The following TOX variants were observed in gnomAD, a reference collection of about 807,000 sequenced individuals.
TOX encodes thymocyte selection-associated high mobility group box protein TOX.
TOX carries 11 observed loss-of-function variants against 53.7 expected under a neutral mutation model. The ratio of observed to expected loss-of-function variants is 0.20; its 90% CI spans 0.13 to 0.34. TOX has a LOEUF of 0.34. TOX is among the 10% of genes least tolerant of loss of function. TOX has a pLI of 1.00. For missense variants in TOX, 570 were observed against 664.6 expected (o/e 0.86, Z 1.56); for synonymous variants, 225 against 245.3 (o/e 0.92, Z 0.77).
chr8:59,072,015 T>C (rs1804205695), intron 1 of TOX, among the ~76,000 whole-genome samples: 1 of 152,204 alleles, frequency 6.6e-6, no homozygotes, highest in African/African-American at 2.4e-5. Context: ...GATCATCTTT[T>C]AAGTTTTTTA....
At chr8:59,058,199 C>T (rs1402624514) in intron 1 of TOX, among the ~76,000 whole-genome samples, 4 of 152,150 alleles carry the variant, frequency 2.6e-5, no homozygotes, top group Non-Finnish European at 5.9e-5. Flanking sequence ...TTTTCAGGAG[C>T]TGCTCAAGGC....
At chr8:58,896,401 G>A (rs569958535) in intron 3 of TOX, among the ~76,000 whole-genome samples, 7 of 152,198 alleles carry the variant, frequency 4.6e-5, no homozygotes, top group South Asian at 2.1e-4. Context: ...ATCCTGGCCC[G>A]GTGCAGTGGC....
intron 2 of TOX, among the ~76,000 whole-genome samples, chr8:58,946,535 T>C (rs754378656): frequency 2.0e-5 from 3 of 152,182 alleles, no homozygotes; most frequent in Non-Finnish European, 4.4e-5. Flanking sequence ...AACAGTGCCA[T>C]TGATATATGC....
At chr8:59,114,809 G>T (rs78401957) in intron 1 of TOX, among the ~76,000 whole-genome samples, 2 of 152,000 alleles carry the variant, frequency 1.3e-5, no homozygotes, top group East Asian at 3.9e-4. Context: ...CTGTATTTTT[G>T]ATGAGTATTG....
At chr8:59,065,090 G>A (rs1375900581) in intron 1 of TOX, among the ~76,000 whole-genome samples, 3 of 152,172 alleles carry the variant, frequency 2.0e-5, no homozygotes, top group Non-Finnish European at 2.9e-5. Context: ...CAGCATATTA[G>A]TGAGGAAATG....
chr8:59,043,603 T>C (rs1240842971), intron 1 of TOX, among the ~76,000 whole-genome samples: 1 of 152,218 alleles, frequency 6.6e-6, no homozygotes, highest in Non-Finnish European at 1.5e-5. Context: ...TTTCAAACAA[T>C]GGCAATACTC....
intron 1 of TOX, among the ~76,000 whole-genome samples, chr8:59,016,737 C>T (rs1269362324): frequency 6.6e-6 from 1 of 152,190 alleles, no homozygotes; most frequent in Non-Finnish European, 1.5e-5. Context: ...TGGATCCAAA[C>T]TAGCTGCAGA....
intron 1 of TOX, among the ~76,000 whole-genome samples, chr8:58,974,953 C>G (rs1028955706): frequency 6.6e-6 from 1 of 151,766 alleles, no homozygotes; most frequent in African/African-American, 2.4e-5. Flanking sequence ...AAGATGTTAT[C>G]TGTGTAAAAA....
intron 3 of TOX, among the ~76,000 whole-genome samples, chr8:58,873,139 C>A (rs1002670692): frequency 6.6e-6 from 1 of 152,010 alleles, no homozygotes; most frequent in Non-Finnish European, 1.5e-5. Context: ...CTTGTTAATG[C>A]AATTATAACG....
chr8:58,968,501 G>A (rs904833514), intron 1 of TOX, among the ~76,000 whole-genome samples: 1 of 152,056 alleles, frequency 6.6e-6, no homozygotes, highest in African/African-American at 2.4e-5. Context: ...ATCCATCTAC[G>A]AAGGAAAAAT....
intron 3 of TOX, among the ~76,000 whole-genome samples, chr8:58,915,502 G>C (rs1812001056): frequency 8.4e-6 from 1 of 119,012 alleles, no homozygotes; most frequent in Non-Finnish European, 1.7e-5. Context: ...CTGTCTGTTA[G>C]AAGGAAAACT....
intron 3 of TOX, among the ~76,000 whole-genome samples, chr8:58,896,547 T>G (rs1811650097): frequency 6.6e-6 from 1 of 152,094 alleles, no homozygotes; most frequent in Non-Finnish European, 1.5e-5. Context: ...TGGTGGCATG[T>G]GCCTATAATC....
intron 1 of TOX, among the ~76,000 whole-genome samples, chr8:59,042,385 T>C (rs1045080262): frequency 2.6e-5 from 4 of 152,246 alleles, no homozygotes; most frequent in African/African-American, 9.6e-5. Context: ...GAGGGAACTT[T>C]AGCATTTTAA....
intron 1 of TOX, among the ~76,000 whole-genome samples, chr8:59,091,988 G>A (rs754538214): frequency 2.0e-5 from 3 of 151,758 alleles, no homozygotes; most frequent in Non-Finnish European, 4.4e-5. Flanking sequence ...GGTGGCTCAC[G>A]CCTGTAATCC....
chr8:58,879,420 T>C (rs1469733072), intron 3 of TOX, among the ~76,000 whole-genome samples: 1 of 152,212 alleles, frequency 6.6e-6, no homozygotes, highest in East Asian at 1.9e-4. Flanking sequence ...ATTAATTTTC[T>C]CCAAAGAAGC....
chr8:58,958,590 A>T (rs1812748903), intron 2 of TOX, among the ~76,000 whole-genome samples: 1 of 152,230 alleles, frequency 6.6e-6, no homozygotes, highest in South Asian at 2.1e-4. Context: ...TTAATCAAAC[A>T]GTCCTGTTCA....
At chr8:59,021,380 A>G (rs1328537913) in intron 1 of TOX, among the ~76,000 whole-genome samples, 2 of 146,806 alleles carry the variant, frequency 1.4e-5, no homozygotes, top group African/African-American at 5.0e-5. Context: ...ATACATGGCT[A>G]TTGTCCCTGA....
intron 1 of TOX, among the ~76,000 whole-genome samples, chr8:59,006,843 C>T (rs1356169264): frequency 6.6e-6 from 1 of 152,254 alleles, no homozygotes; most frequent in Admixed American, 6.5e-5. Context: ...AAAATGACTC[C>T]TGGAGAAAAG....
At chr8:59,081,062 T>G (rs991536430) in intron 1 of TOX, among the ~76,000 whole-genome samples, 2 of 152,204 alleles carry the variant, frequency 1.3e-5, no homozygotes, top group Non-Finnish European at 2.9e-5. Context: ...AGTCTCACTC[T>G]GTCGCCCAGG....
Sources: allele counts gnomAD v4.1 joint callset (sites outside exome capture counted in the v4.1 genomes callset), GRCh38; gene constraint gnomAD v4.1.1; transcripts MANE v1.5; gene names NCBI Gene and HGNC (gene_info 2026-07-23, HGNC 2026-07-21).